Variants in PDE6H observed in about 807,000 individuals in gnomAD.
The protein encoded by PDE6H is phosphodiesterase 6H, also known as retinal cone rhodopsin-sensitive cGMP 3',5'-cyclic phosphodiesterase subunit gamma.
PDE6H carries 11 observed loss-of-function variants against 9.2 expected under a neutral mutation model. The ratio of observed to expected loss-of-function variants is 1.19; its 90% CI spans 0.75 to 1.97. The LOEUF (loss-of-function observed/expected upper bound fraction) is 1.97. PDE6H is among the 30% of genes most tolerant of loss of function. PDE6H has a pLI of 0.00. For synonymous variants in PDE6H, 36 were observed against 33.6 expected, an observed-to-expected ratio of 1.07 and a Z score of -0.25; for missense variants, 98 against 101.5, an observed-to-expected ratio of 0.97 and a Z score of 0.15.
chr12:14,975,422 T>G (rs973401158), intron 1 of PDE6H, among the ~76,000 whole-genome samples: 3 of 152,082 alleles, frequency 2.0e-5, no homozygotes, highest in African/African-American at 7.2e-5. Context: ...ATTCTTTAGA[T>G]GAGAGAAAAG....
At position 14,981,527 on chromosome 12, in the gene PDE6H, C is replaced by T; in HGVS notation, c.*51C>T. 1 of 1,302,342 alleles carries T rather than the reference C, an allele frequency of 7.7e-7. No homozygotes were observed. The highest frequency in any genetic ancestry group is 1.1e-6 in the Non-Finnish European group (1 of 895,826). The allele number at this position is 1,302,342 out of a possible 1,614,324, so 80.7% of individuals were successfully genotyped here. A position where few individuals can be genotyped will look rare whatever the true frequency, so the allele number is the denominator to read the frequency against. On this transcript the variant is annotated 3_prime_UTR_variant, in exon 4 of 4. Transcript: ENST00000266395. ...ATGACATCTGCTGTAATTTTGGTTGCTTTTGCCCTGTTGATCTGCCGGAGT... is the reference window on the plus strand; with the variant it reads ...ATGACATCTGCTGTAATTTTGGTTGTTTTTGCCCTGTTGATCTGCCGGAGT...
At chr12:14,978,420 C>T (rs1448936029) in intron 2 of PDE6H, among the ~76,000 whole-genome samples, 4 of 152,138 alleles carry the variant, frequency 2.6e-5, no homozygotes, top group Admixed American at 2.0e-4. Flanking sequence ...TTTTGATGAC[C>T]ACTCCTCTTT....
intron 3 of PDE6H, among the ~76,000 whole-genome samples, chr12:14,980,941 C>A (rs1264689654): frequency 1.3e-5 from 2 of 152,140 alleles, no homozygotes; most frequent in Non-Finnish European, 2.9e-5. Flanking sequence ...ATAGGCAATT[C>A]AAAATGTAAA....
chr12:14,981,360 G>C (rs1456088104), intron 3 of PDE6H, 40 bp from the exon 4 acceptor site: 1 of 1,244,254 alleles, frequency 8.0e-7, no homozygotes, highest in Non-Finnish European at 1.2e-6. Flanking sequence ...GCTCTCTTGG[G>C]GTGAGGTTGG....
At chr12:14,976,639 T>C (rs1864600313) in intron 1 of PDE6H, among the ~76,000 whole-genome samples, 1 of 151,986 alleles carries the variant, frequency 6.6e-6, no homozygotes, top group Non-Finnish European at 1.5e-5. Context: ...TAGTGAGCTA[T>C]GATTGCAATT....
chr12:14,978,441 C>G (rs558015382), intron 2 of PDE6H, among the ~76,000 whole-genome samples: 164 of 152,318 alleles, frequency 1.1e-3, no homozygotes, highest in South Asian at 2.9e-3. Flanking sequence ...ACTGAGACAA[C>G]CTCTACGTTA....
At chr12:14,980,948 T>C (rs776945179) in intron 3 of PDE6H, among the ~76,000 whole-genome samples, 1 of 152,208 alleles carries the variant, frequency 6.6e-6, no homozygotes, top group African/African-American at 2.4e-5. Flanking sequence ...ATTCAAAATG[T>C]AAAGGAATAG....
chr12:14,979,693 T>G lies in PDE6H; in HGVS notation c.175+474T>G, dbSNP rs920322745. Among the ~76,000 whole-genome samples, 10 of 152,334 alleles carry G rather than the reference T, an allele frequency of 6.6e-5. No individual in the cohort carries two copies. The South Asian group carries it at 1.9e-3, about 28-fold the overall frequency. Reference sequence around the variant, plus strand: ...CAATTTCCTCTTTTTACACATCCTCTAGCACCCAGAGGAGGATCTTACATA... The same window carrying G: ...CAATTTCCTCTTTTTACACATCCTCGAGCACCCAGAGGAGGATCTTACATA... On this transcript the variant is annotated intron_variant, in intron 3 of 3. Transcript: ENST00000266395.
chr12:14,977,776 A>T (rs1864617742), intron 1 of PDE6H, among the ~76,000 whole-genome samples, 196 bp from the exon 2 acceptor site: 1 of 152,192 alleles, frequency 6.6e-6, no homozygotes, highest in African/African-American at 2.4e-5. Flanking sequence ...CATTCCATTA[A>T]GTGCCTGCAT....
At chr12:14,974,004 A>C (rs10505783) in intron 1 of PDE6H, among the ~76,000 whole-genome samples, 145,906 of 152,320 alleles carry the variant, frequency 0.96, 70,016 homozygotes, top group South Asian at 0.99. Context: ...CAGTCCCCTA[A>C]AAAAGTATGC....
At chr12:14,974,317 G>T (rs1055627283) in intron 1 of PDE6H, among the ~76,000 whole-genome samples, 4 of 152,160 alleles carry the variant, frequency 2.6e-5, no homozygotes, top group Non-Finnish European at 4.4e-5. Context: ...TGCAGGAAAA[G>T]GTCAGAGGTG....
Position 14,978,163 on chromosome 12 carries a change from A to T in PDE6H, c.134+17A>T, listed in dbSNP as rs768665700. 6.2e-6 allele frequency: 10 copies of T among 1,611,218 alleles called. No homozygotes were observed. The Admixed American group carries it at 1.7e-4, about 27-fold the overall frequency. ...TGTGAAAGGGTAAGACCAAAATGAA[A>T]AGAAAAACTTTCTATTACTTTCTTT... is the stretch of plus-strand genomic sequence containing the variant. On this transcript the variant is annotated intron_variant, in intron 2 of 3. Transcript: ENST00000266395.
intron 1 of PDE6H, among the ~76,000 whole-genome samples, chr12:14,975,877 GT>G (rs1864586784): frequency 6.9e-6 from 1 of 145,458 alleles, no homozygotes; most frequent in Non-Finnish European, 1.5e-5. Context: ...CTGGAGTGCA[GT>G]GGCACAATCT....
rs556045465 is a variant in PDE6H, at chr12:14,973,087, G to A, written c.-42+1G>A. ...GCTGATAGGAACAACATTCAGCTCC[G>A]TGAGTACTTCTGAACTTCTGGTGAA... is the stretch of plus-strand genomic sequence containing the variant. On this transcript the variant is annotated splice_donor_variant, in intron 1 of 3. Coordinates refer to ENST00000266395, the MANE Select transcript of PDE6H (RefSeq NM_006205.3). LOFTEE classifies it low-confidence loss of function (5UTR_SPLICE). 4 of 152,354 alleles carry A rather than the reference G, an allele frequency of 2.6e-5. No individual in the cohort carries two copies. The highest frequency in any genetic ancestry group is 2.1e-4 in the South Asian group (1 of 4,828). The allele number at this position is 152,354 out of a possible 1,614,324, so 9.4% of individuals were successfully genotyped here.
At chr12:14,980,890 TA>T (rs1864672114) in intron 3 of PDE6H, among the ~76,000 whole-genome samples, 1 of 152,252 alleles carries the variant, frequency 6.6e-6, no homozygotes, top group Non-Finnish European at 1.5e-5. Flanking sequence ...GAAGCTGGAT[TA>T]AAAGATGCTT....
At chr12:14,980,195 G>C (rs957615206) in intron 3 of PDE6H, among the ~76,000 whole-genome samples, 2 of 152,126 alleles carry the variant, frequency 1.3e-5, no homozygotes, top group South Asian at 4.1e-4. Context: ...CTATAGTTTT[G>C]CCTTTTCCAG....
At position 14,979,696 on chromosome 12, in the gene PDE6H, C is replaced by T. The variant is rs138734119; in HGVS notation, c.175+477C>T. On this transcript the variant is annotated intron_variant, in intron 3 of 3. Coordinates refer to ENST00000266395, the MANE Select transcript of PDE6H (RefSeq NM_006205.3). The stretch of plus-strand genomic sequence containing the variant: ...TTTCCTCTTTTTACACATCCTCTAG[C>T]ACCCAGAGGAGGATCTTACATACTG... Among the ~76,000 whole-genome samples the T allele has an allele frequency of 3.0e-4, 45 of 152,328 alleles. 1 individual carries two copies. In the East Asian group the frequency reaches 8.7e-3, roughly 29 times the overall value.
At chr12:14,976,560 A>G (rs1274451178) in intron 1 of PDE6H, among the ~76,000 whole-genome samples, 1 of 152,128 alleles carries the variant, frequency 6.6e-6, no homozygotes, top group African/African-American at 2.4e-5. Flanking sequence ...GTGATGGGTC[A>G]TGCCTGTAAA....
intron 3 of PDE6H, 128 bp from the exon 4 acceptor site, chr12:14,981,272 G>A (rs1864678767): frequency 2.6e-6 from 2 of 771,974 alleles, no homozygotes; most frequent in Non-Finnish European, 4.7e-6. Flanking sequence ...CCACGCTAGG[G>A]AACTTCCCAG....
Sources: gnomAD v4.1 joint callset for allele counts (sites outside exome capture counted in the v4.1 genomes callset) on GRCh38, gnomAD v4.1.1 for gene constraint, MANE v1.5 for transcripts, NCBI Gene and HGNC (gene_info 2026-07-23, HGNC 2026-07-21) for gene names.